GOLGA8A: variants seen among roughly 807,000 people sequenced by gnomAD.
GOLGA8A encodes the protein golgin A8 family member A, also known as golgin subfamily A member 8A.
A neutral mutation model predicts 22.1 loss-of-function variants in GOLGA8A; 3 were observed. That is an observed-to-expected ratio of 0.14 (90% CI 0.06 to 0.35). The LOEUF (loss-of-function observed/expected upper bound fraction) is 0.35. Among genes scored for constraint, GOLGA8A ranks in the 10% least tolerant of loss-of-function variants. GOLGA8A has a pLI of 1.00. For synonymous variants in GOLGA8A, 7 were observed against 91.7 expected, an observed-to-expected ratio of 0.08 and a Z score of 5.28; for missense variants, 16 against 233.2, an observed-to-expected ratio of 0.07 and a Z score of 6.07.
At chr15:34,426,238 C>T (rs115985807) in intron 2 of GOLGA8A, among the ~76,000 whole-genome samples, 5,940 of 149,706 alleles carry the variant, frequency 0.04, 578 homozygotes, top group Non-Finnish European at 0.055. Flanking sequence ...ATTATGCAAG[C>T]GTCAGAATAA....
At chr15:34,383,695 AGTT>A (rs1352818254) in intron 18 of GOLGA8A, 48 bp downstream of exon 18, 2 of 152,444 alleles carry the variant, frequency 1.3e-5, no homozygotes, top group Non-Finnish European at 2.3e-5. Flanking sequence ...ACCTATCTTA[AGTT>A]GTTGGTGGGG....
In GOLGA8A at chr15:34,385,443, GCTTT is replaced by G; in HGVS notation, c.352_355del (p.Lys118LeufsTer5). 1.5e-6 allele frequency: 1 copy of G among 651,812 alleles called. No individual in the cohort carries two copies. The highest frequency in any genetic ancestry group is 2.5e-6 in the Non-Finnish European group (1 of 401,588). The allele number at this position is 651,812 out of a possible 1,614,324, so 40.4% of individuals were successfully genotyped here. On this transcript the variant is annotated frameshift_variant, in exon 14 of 25. Coordinates refer to ENST00000359187, the MANE Select transcript of GOLGA8A (RefSeq NM_181077.5). LOFTEE classifies it high-confidence loss of function. ...TCCACTCACCTCTAGCTCCCTTTCAGCTTTCTGTTTCTCATTGTTTGCTTTCTTT... is the reference window on the plus strand; with the variant it reads ...TCCACTCACCTCTAGCTCCCTTTCAGCTGTTTCTCATTGTTTGCTTTCTTT...
rs1171927615 is a variant in GOLGA8A, at chr15:34,380,481, G to A, written c.*930C>T. 1 of 152,186 alleles carries A rather than the reference G, an allele frequency of 6.6e-6. No individual in the cohort carries two copies. Among genetic ancestry groups the A allele is most frequent in the South Asian group, 2.1e-4 (1 of 4,826 alleles). 9.4% of individuals were successfully genotyped at this position (152,186 alleles called of 1,614,324 possible). On this transcript the variant is annotated 3_prime_UTR_variant, in exon 25 of 25. Transcript: ENST00000359187. ...CAGGTAGTCATGTGATTAAAACAGG[G>A]AACACGAACTCTGACTTTAAAATGT...
At chr15:34,428,564 G>A (rs141901915) in intron 2 of GOLGA8A, 2 of 148,564 alleles carry the variant, frequency 1.3e-5, no homozygotes, top group Non-Finnish European at 3.0e-5. Context: ...TCCACACCAT[G>A]CTAGTGAGAA....
intron 2 of GOLGA8A, chr15:34,417,870 G>C (rs1371880751): frequency 6.9e-6 from 1 of 144,024 alleles, no homozygotes; most frequent in African/African-American, 2.6e-5. Flanking sequence ...AGACATTTTC[G>C]GTTGTCACAA....
chr15:34,429,662 T>C (rs1356090664), intron 2 of GOLGA8A, among the ~76,000 whole-genome samples: 1 of 148,056 alleles, frequency 6.8e-6, no homozygotes, highest in Non-Finnish European at 1.5e-5. Flanking sequence ...CCCACCCAGC[T>C]CTAAACTGGG....
intron 2 of GOLGA8A, among the ~76,000 whole-genome samples, chr15:34,425,836 C>G (rs201520859): frequency 0.028 from 3,700 of 134,016 alleles, 160 homozygotes; most frequent in South Asian, 0.078. Flanking sequence ...GAAACAGCTT[C>G]TTATAATTCA....
intron 2 of GOLGA8A, chr15:34,420,179 G>A (rs1892740169): frequency 6.8e-6 from 1 of 146,654 alleles, no homozygotes; most frequent in Non-Finnish European, 1.5e-5. Context: ...TGCCAGGAGA[G>A]CGGTGTCAGG....
chr15:34,423,896 C>G (rs1208410633), intron 2 of GOLGA8A, among the ~76,000 whole-genome samples: 1 of 149,266 alleles, frequency 6.7e-6, no homozygotes, highest in Non-Finnish European at 1.5e-5. Context: ...GGGGCCACCA[C>G]CACTGCCTGG....
chr15:34,425,095 TAAAA>T (rs1892927991), intron 2 of GOLGA8A, among the ~76,000 whole-genome samples: 1 of 144,332 alleles, frequency 6.9e-6, no homozygotes. Flanking sequence ...AAAAAATAAA[TAAAA>T]TAAATAAAAT....
intron 2 of GOLGA8A, among the ~76,000 whole-genome samples, chr15:34,432,946 T>C (rs349631): frequency 0.8 from 118,030 of 147,808 alleles, 49,621 homozygotes; most frequent in East Asian, 0.99. Context: ...AGTTCAATAT[T>C]GCATCTCGTC....
chr15:34,429,059 C>G (rs1893114079), intron 2 of GOLGA8A: 1 of 145,790 alleles, frequency 6.9e-6, no homozygotes, highest in Non-Finnish European at 1.5e-5. Flanking sequence ...GCCCCCGCCA[C>G]CCTCCTGCGT....
chr15:34,424,494 C>A (rs1892904539), intron 2 of GOLGA8A, among the ~76,000 whole-genome samples: 1 of 146,890 alleles, frequency 6.8e-6, no homozygotes, highest in Admixed American at 7.0e-5. Flanking sequence ...GCAAGGTGGG[C>A]AGGCAGTCCA....
At chr15:34,427,158 T>C (rs199949119) in intron 2 of GOLGA8A, among the ~76,000 whole-genome samples, 12,874 of 146,198 alleles carry the variant, frequency 0.088, 1,377 homozygotes, top group South Asian at 0.24. Flanking sequence ...CGGTGAAACC[T>C]CGTCTGTACT....
chr15:34,426,359 A>C (rs1566912121), intron 2 of GOLGA8A, among the ~76,000 whole-genome samples: 1 of 148,742 alleles, frequency 6.7e-6, no homozygotes, highest in East Asian at 2.0e-4. Flanking sequence ...AAATACTTTT[A>C]AAATATGTAT....
chr15:34,381,635 G>T (rs1303632116), intron 24 of GOLGA8A, 22 bp from the exon 25 acceptor site: 1 of 1,327,412 alleles, frequency 7.5e-7, no homozygotes, highest in Admixed American at 1.8e-5. Flanking sequence ...GGGAGGCGGG[G>T]ATCTGAGTGG....
At chr15:34,427,365 T>C (rs1380183105) in intron 2 of GOLGA8A, among the ~76,000 whole-genome samples, 2 of 146,784 alleles carry the variant, frequency 1.4e-5, no homozygotes, top group Non-Finnish European at 3.0e-5. Context: ...CACCAGAAGT[T>C]CCCAAGGAAT....
intron 23 of GOLGA8A, 36 bp downstream of exon 23, chr15:34,381,929 ACCC>A (rs1284835049): frequency 3.1e-5 from 3 of 98,152 alleles, no homozygotes; most frequent in Admixed American, 3.4e-4. Context: ...CCACACCCCC[ACCC>A]CACCCCCACC....
At chr15:34,424,750 G>A (rs957677435) in intron 2 of GOLGA8A, among the ~76,000 whole-genome samples, 2 of 131,510 alleles carry the variant, frequency 1.5e-5, no homozygotes, top group African/African-American at 5.8e-5. Context: ...AAAACCCACA[G>A]AGCAACCTTA....
Sources: allele counts gnomAD v4.1 joint callset (sites outside exome capture counted in the v4.1 genomes callset), GRCh38; gene constraint gnomAD v4.1.1; transcripts MANE v1.5; gene names NCBI Gene and HGNC (gene_info 2026-07-23, HGNC 2026-07-21).